OTOF: variants seen among roughly 807,000 people sequenced by gnomAD.
The protein encoded by OTOF is fer-1-like family member 2.
A neutral mutation model predicts 236.8 loss-of-function variants in OTOF; 218 were observed. The ratio of observed to expected loss-of-function variants is 0.92; its 90% confidence interval spans 0.82 to 1.03. OTOF has a LOEUF of 1.03. OTOF is among the 50% of genes least tolerant of loss of function. The pLI, the probability that OTOF is intolerant of heterozygous loss-of-function variation, is 0.00. For missense variants in OTOF, 2,590 were observed against 2,694.4 expected (o/e 0.96, Z 0.86); for synonymous variants, 1,041 against 1,072.5 (o/e 0.97, Z 0.57).
intron 1 of OTOF, among the ~76,000 whole-genome samples, chr2:26,541,468 G>A (rs1456456839): frequency 6.6e-6 from 1 of 152,086 alleles, no homozygotes; most frequent in African/African-American, 2.4e-5. Context: ...CAATCATACA[G>A]AAACAGTGGA....
chr2:26,557,233 T>G (rs965398455), intron 1 of OTOF, among the ~76,000 whole-genome samples: 3 of 152,186 alleles, frequency 2.0e-5, no homozygotes, highest in African/African-American at 7.2e-5. Context: ...GTGCAGACAC[T>G]GTGTCCAGCC....
chr2:26,474,170 C>G, intron 26 of OTOF, 60 bp from the exon 27 acceptor site: 1 of 1,608,144 alleles, frequency 6.2e-7, no homozygotes, highest in South Asian at 1.1e-5. Context: ...TCTCTTTCCC[C>G]ATGAGTTGTT....
Position 26,464,027 on chromosome 2 carries a change from G to A in OTOF, c.5040C>T (p.Arg1680=), listed in dbSNP as rs1664608827. The A allele has an allele frequency of 1.2e-6, 2 of 1,613,716 alleles. No homozygotes were observed. The highest frequency in any genetic ancestry group is 1.7e-6 in the Non-Finnish European group (2 of 1,180,020). ...HWEDIPRAGC[R]LVPEHVETRP... ...TCGTCTCCACATGCTCTGGCACCAGGCGGCAGCCTGCGCGGGGGATGTCCT... is the reference window on the plus strand; with the variant it reads ...TCGTCTCCACATGCTCTGGCACCAGACGGCAGCCTGCGCGGGGGATGTCCT... The change falls in exon 40 of 47, where the codon CGC becomes CGT. Residue 1680 remains arginine, a synonymous_variant. Coordinates refer to ENST00000272371, the MANE Select transcript of OTOF (RefSeq NM_194248.3).
intron 3 of OTOF, among the ~76,000 whole-genome samples, chr2:26,520,540 G>A (rs897659266): frequency 1.3e-5 from 2 of 152,166 alleles, no homozygotes; most frequent in East Asian, 1.9e-4. Context: ...CCTCCCTGAG[G>A]ATGAAACTGA....
At chr2:26,488,105 C>T (rs1280931093) in intron 11 of OTOF, among the ~76,000 whole-genome samples, 1 of 152,192 alleles carries the variant, frequency 6.6e-6, no homozygotes, top group Non-Finnish European at 1.5e-5. Context: ...ATTCCCTGGT[C>T]TAAGTCATAG....
At position 26,527,170 on chromosome 2, in the gene OTOF, C is replaced by T. The variant is rs139554651; in HGVS notation, c.227+662G>A. On this transcript the variant is annotated intron_variant, in intron 3 of 46. Coordinates refer to ENST00000272371, the MANE Select transcript of OTOF (RefSeq NM_194248.3). ...GCAAGCTCCATGAAGGTAGGCACCCCGCCCTCTGCATCACCTAATTCAGTA... is the reference window on the plus strand; with the variant it reads ...GCAAGCTCCATGAAGGTAGGCACCCTGCCCTCTGCATCACCTAATTCAGTA... Among the ~76,000 whole-genome samples the T allele has an allele frequency of 1.5e-4, 23 of 152,348 alleles. No homozygotes were observed. In the East Asian group the frequency reaches 3.5e-3, roughly 23 times the overall value.
intron 14 of OTOF, among the ~76,000 whole-genome samples, chr2:26,481,408 AG>A (rs1242005487): frequency 3.9e-5 from 6 of 152,140 alleles, no homozygotes; most frequent in Non-Finnish European, 2.9e-5. Flanking sequence ...TCCTTGCTGA[AG>A]GCCATCCCTC....
At chr2:26,498,498 C>T (rs1666042905) in intron 8 of OTOF, among the ~76,000 whole-genome samples, 1 of 152,178 alleles carries the variant, frequency 6.6e-6, no homozygotes, top group Admixed American at 6.5e-5. Context: ...CTCCAGGGTT[C>T]TGGGGGAGGG....
intron 1 of OTOF, among the ~76,000 whole-genome samples, chr2:26,542,020 TG>T (rs1394974409): frequency 1.3e-5 from 2 of 152,220 alleles, no homozygotes; most frequent in African/African-American, 4.8e-5. Context: ...ACAAGTGCCA[TG>T]GTATCAGATA....
rs762882951 is a variant in OTOF at position 26,516,656 on chromosome 2, G to A, written c.328-57C>T. On this transcript the variant is annotated intron_variant, in intron 4 of 46. Coordinates refer to ENST00000272371, the MANE Select transcript of OTOF (RefSeq NM_194248.3). Reference sequence around the variant, plus strand: ...GGATGGTGACAGCAATCTCCACCCCGTATATGTGGCTGCTTGGTGGTGTTT... The same window carrying A: ...GGATGGTGACAGCAATCTCCACCCCATATATGTGGCTGCTTGGTGGTGTTT... 57 of 1,558,706 alleles carry A rather than the reference G, an allele frequency of 3.7e-5. No homozygotes were observed. In the Middle Eastern group the frequency reaches 1.5e-3, roughly 42 times the overall value.
rs756250257 is a variant in OTOF at position 26,466,836 on chromosome 2, A to T, written c.4378T>A (p.Tyr1460Asn). The T allele has an allele frequency of 7.4e-6, 12 of 1,614,068 alleles. No homozygotes were observed. The Middle Eastern group carries it at 1.2e-3, about 155-fold the overall frequency. The change falls in exon 36 of 47, where the codon TAC becomes AAC. Residue 1460 changes from tyrosine (Y) to asparagine (N), a missense_variant. By Grantham distance (143) the Tyr-to-Asn change is moderately radical. Transcript: ENST00000272371. ...VGRFKGSLCV[Y>N]KVPLPEDVSR... is the part of the protein sequence containing the mutation. ...ACGTCCTCTGGGAGTGGCACTTTGT[A>T]CACGCAGAGGGAGCCCTGGGCAAGA...
rs559383558 is a variant in OTOF at position 26,463,128 on chromosome 2, G to A, written c.5192+355C>T. Among the ~76,000 whole-genome samples, 12 of 152,306 alleles carry A rather than the reference G, an allele frequency of 7.9e-5. No homozygotes were observed. In the South Asian group the frequency reaches 1.9e-3, roughly 24 times the overall value. ...AGTGTGGGCATGTGTGTGGGTGTCC[G>A]TGGGAGTGCTATGCTGTGTGTGTGT... On this transcript the variant is annotated intron_variant, in intron 41 of 46. Transcript: ENST00000272371.
Position 26,460,344 on chromosome 2 carries a change from G to T in OTOF, c.5814-139C>A. ...GGCACCCCTCTGGCCATCAAGGCTG[G>T]CCATGGCCCCAGAGGCCACCACTGG... On this transcript the variant is annotated intron_variant, in intron 45 of 46. Coordinates refer to ENST00000272371, the MANE Select transcript of OTOF (RefSeq NM_194248.3). This position sits in a 1 kb window ranked among gnomAD's most constrained non-coding sequence, Gnocchi z 5.3. 8 of 748,044 alleles carry T rather than the reference G, an allele frequency of 1.1e-5. No homozygotes were observed. The highest frequency in any genetic ancestry group is 1.8e-5 in the Non-Finnish European group (8 of 441,008). The allele number at this position is 748,044 out of a possible 1,614,324, so 46.3% of individuals were successfully genotyped here. A position where few individuals can be genotyped will look rare whatever the true frequency, so the allele number is the denominator to read the frequency against.
rs146137880 is a variant in OTOF, at chr2:26,544,556, A to C, written c.80-6782T>G. 5.3e-3 allele frequency among the ~76,000 whole-genome samples: 808 copies of C among 152,330 alleles called. 7 individuals carry two copies. Among genetic ancestry groups the C allele is most frequent in the African/African-American group, 0.018 (765 of 41,578 alleles). On this transcript the variant is annotated intron_variant, in intron 1 of 46. Transcript: ENST00000272371. Reference sequence around the variant, plus strand: ...TAGAGTAATAGCCCGTTGCATGCCTATACCACAACTTCTTGGTCCATTTCT... The same window carrying C: ...TAGAGTAATAGCCCGTTGCATGCCTCTACCACAACTTCTTGGTCCATTTCT...
rs1048876374 is a variant in OTOF, at chr2:26,477,884, C to T, written c.2215-135G>A. On this transcript the variant is annotated intron_variant, in intron 18 of 46. Coordinates refer to ENST00000272371, the MANE Select transcript of OTOF (RefSeq NM_194248.3). This position sits in a 1 kb window ranked among gnomAD's most constrained non-coding sequence, Gnocchi z 4.7. ...CTCTCGCTAGGGCCATCCTGAGTAT[C>T]GGTCATCATGAGGAAGTCATCAATT... The T allele has an allele frequency of 8.4e-6, 13 of 1,546,478 alleles. No homozygotes were observed. Among genetic ancestry groups the T allele is most frequent in the Admixed American group, 2.0e-5 (1 of 50,638 alleles).
chr2:26,484,613 A>G lies in OTOF; in HGVS notation c.1066T>C (p.Trp356Arg). ...SQPEHQFHHK[W>R]AILSDPDDIS... Reference sequence around the variant, plus strand: ...TCATCGGGGTCAGACAGGATGGCCCACTTGTGATGGAACTGGTGCTCTGCA... The same window carrying G: ...TCATCGGGGTCAGACAGGATGGCCCGCTTGTGATGGAACTGGTGCTCTGCA... The change falls in exon 12 of 47, where the codon TGG (tryptophan) becomes CGG (arginine). Residue 356 changes from tryptophan to arginine, a missense_variant. Transcript: ENST00000272371. 5 of 1,613,806 alleles carry G rather than the reference A, an allele frequency of 3.1e-6. No individual in the cohort carries two copies. Among genetic ancestry groups the G allele is most frequent in the Non-Finnish European group, 4.2e-6 (5 of 1,179,996 alleles).
rs1334672647 is a variant in OTOF, at chr2:26,481,024, A to G, written c.1580-15T>C. ...GGGCAGGAAGCCTGTGGCAGTGGGAACAAAAATGAGGGGGCAGCGTCACAT... is the reference window on the plus strand; with the variant it reads ...GGGCAGGAAGCCTGTGGCAGTGGGAGCAAAAATGAGGGGGCAGCGTCACAT... On this transcript the variant is annotated splice_polypyrimidine_tract_variant and intron_variant, in intron 14 of 46. Coordinates refer to ENST00000272371, the MANE Select transcript of OTOF (RefSeq NM_194248.3). 1 of 1,600,184 alleles carries G rather than the reference A, an allele frequency of 6.2e-7. No homozygotes were observed. The highest frequency in any genetic ancestry group is 1.3e-5 in the African/African-American group (1 of 74,678).
In OTOF at chr2:26,476,150, TG is replaced by T; in HGVS notation, c.2843del (p.Pro948HisfsTer52). ...CACTGGTGTAGACCAGGCTGACGGG[TG>T]GGAAGGCATGCAGGCCCAGGCCCTG... ...AAQGLGLHAF[P>X]PVSLVYTKKQ... On this transcript the variant is annotated frameshift_variant, in exon 23 of 47. Coordinates refer to ENST00000272371, the MANE Select transcript of OTOF (RefSeq NM_194248.3). LOFTEE classifies it high-confidence loss of function. 1 of 1,610,716 alleles carries T rather than the reference TG, an allele frequency of 6.2e-7. No homozygotes were observed. Among genetic ancestry groups the T allele is most frequent in the Non-Finnish European group, 8.5e-7 (1 of 1,179,290 alleles).
chr2:26,555,064 A>T (rs1667553933), intron 1 of OTOF, among the ~76,000 whole-genome samples: 1 of 152,132 alleles, frequency 6.6e-6, no homozygotes, highest in Non-Finnish European at 1.5e-5. Flanking sequence ...GACTAGAAGA[A>T]CTTCGGGACC....
Sources: allele counts gnomAD v4.1 joint callset (sites outside exome capture counted in the v4.1 genomes callset), GRCh38; gene constraint gnomAD v4.1.1; non-coding constraint Gnocchi (gnomAD v3.1); transcripts MANE v1.5; gene names NCBI Gene and HGNC (gene_info 2026-07-23, HGNC 2026-07-21).